The following ATF7 variants were observed in gnomAD, a reference collection of about 807,000 sequenced individuals.
ATF7 encodes activating transcription factor 7, also known as cyclic AMP-dependent transcription factor ATF-7.
Under a neutral mutation model 50.4 loss-of-function variants are expected in ATF7, and 10 were observed. The observed-to-expected ratio is 0.20, with a 90% CI of 0.12 to 0.34. The LOEUF (loss-of-function observed/expected upper bound fraction) is 0.34, where lower values mean the gene tolerates loss of function less well. ATF7 is among the 10% of genes least tolerant of loss of function. ATF7 has a pLI of 1.00. For synonymous variants in ATF7, 201 were observed against 226.4 expected (o/e 0.89, Z 1.01); for missense variants, 465 against 613.9 (o/e 0.76, Z 2.56).
chr12:53,517,066 G>C lies in ATF7; in HGVS notation c.*71C>G. The stretch of plus-strand genomic sequence containing the variant: ...GCCATGTCCAAGGCAGATGGGAGGG[G>C]ATAAGATGACATCTCTCTTGGCTCT... On this transcript the variant is annotated 3_prime_UTR_variant, in exon 12 of 12. Transcript: ENST00000420353. The C allele has an allele frequency of 6.6e-7, 1 of 1,521,568 alleles. No individual in the cohort carries two copies. The allele number at this position is 1,521,568 out of a possible 1,614,324, so 94.3% of individuals were successfully genotyped here.
At chr12:53,517,975 G>A (rs1592765691) in intron 11 of ATF7, among the ~76,000 whole-genome samples, 1 of 151,982 alleles carries the variant, frequency 6.6e-6, no homozygotes, top group Admixed American at 6.6e-5. Flanking sequence ...AGTGATTCTC[G>A]TGCCTCAGCC....
chr12:53,521,775 C>G (rs1039727102), intron 11 of ATF7, among the ~76,000 whole-genome samples: 2 of 152,072 alleles, frequency 1.3e-5, no homozygotes, highest in Non-Finnish European at 2.9e-5. Context: ...ATTTGGTTCC[C>G]TATTATATCC....
intron 11 of ATF7, 181 bp downstream of exon 11, chr12:53,523,095 C>A: frequency 1.8e-6 from 1 of 563,470 alleles, no homozygotes; most frequent in East Asian, 2.9e-5. Flanking sequence ...AGATAATTAG[C>A]TCTATATCGT....
intron 2 of ATF7, among the ~76,000 whole-genome samples, chr12:53,600,169 A>G (rs1943332220): frequency 6.6e-6 from 1 of 152,182 alleles, no homozygotes; most frequent in African/African-American, 2.4e-5. Flanking sequence ...AGCTGCTAAC[A>G]ATGATTTTCT....
Position 53,534,617 on chromosome 12 carries a change from T to C in ATF7, c.445A>G (p.Thr149Ala), listed in dbSNP as rs773980962. 1 of 1,613,024 alleles carries C rather than the reference T, an allele frequency of 6.2e-7. No homozygotes were observed. The highest frequency in any genetic ancestry group is 1.1e-5 in the South Asian group (1 of 90,952). ...GGCAGGGAGCCAGGACGTACAATGG[T>C]GGGTGTGGGGGTAGAGATCAGAACA... ...KPVLISTPTP[T>A]IVRPGSLPLH... Residue 149 changes from threonine to alanine, a missense_variant, in exon 6 of 12, where the codon ACC becomes GCC. By Grantham distance (58) the Thr-to-Ala change is moderately conservative. Coordinates refer to ENST00000420353, the MANE Select transcript of ATF7 (RefSeq NM_006856.3).
At chr12:53,534,941 A>G (rs998260819) in intron 5 of ATF7, among the ~76,000 whole-genome samples, 1 of 152,192 alleles carries the variant, frequency 6.6e-6, no homozygotes, top group Non-Finnish European at 1.5e-5. Context: ...GCACTGTAGT[A>G]CCATATAAAT....
intron 2 of ATF7, among the ~76,000 whole-genome samples, chr12:53,558,026 T>C (rs1393864367): frequency 1.3e-5 from 2 of 152,232 alleles, no homozygotes; most frequent in Non-Finnish European, 2.9e-5. Flanking sequence ...CGTTTGTGGT[T>C]TGCATTGTAT....
chr12:53,534,514 T>A lies in ATF7; in HGVS notation c.548A>T (p.Asn183Ile). The part of the protein sequence containing the change: ...TSVITQAPPS[N>I]RQMGSPTGSL... ...TCTCTGTACTTACCCCATTTGCCTG[T>A]TGGATGGTGGAGCCTGTGTGATGAC... Residue 183 changes from asparagine to isoleucine, a missense_variant, in exon 6 of 12, where the codon AAC becomes ATC. Asn to Ile is a moderately radical substitution (Grantham distance 149). Coordinates refer to ENST00000420353, the MANE Select transcript of ATF7 (RefSeq NM_006856.3). 1 of 1,613,794 alleles carries A rather than the reference T, an allele frequency of 6.2e-7. No homozygotes were observed.
chr12:53,541,030 CA>C (rs1939521721), intron 4 of ATF7, among the ~76,000 whole-genome samples: 1 of 152,146 alleles, frequency 6.6e-6, no homozygotes, highest in Admixed American at 6.5e-5. Context: ...AGGCCTCGCG[CA>C]GCCCTCTTTC....
At chr12:53,521,542 A>G (rs1409131348) in intron 11 of ATF7, among the ~76,000 whole-genome samples, 2 of 152,166 alleles carry the variant, frequency 1.3e-5, no homozygotes, top group African/African-American at 4.8e-5. Context: ...TTCCATATAA[A>G]TGCATATAGC....
Position 53,532,494 on chromosome 12 carries a change from A to G in ATF7, c.774+16T>C. On this transcript the variant is annotated intron_variant, in intron 8 of 11. Transcript: ENST00000420353. ...TTCAGAAAGGCCAACATTGCCCCAG[A>G]CTGGGATGTACTCACCATCTTGGCT... 6.4e-7 allele frequency: 1 copy of G among 1,550,836 alleles called. No individual in the cohort carries two copies. Among genetic ancestry groups the G allele is most frequent in the Non-Finnish European group, 8.8e-7 (1 of 1,136,956 alleles).
At chr12:53,588,490 A>G (rs991894962) in intron 2 of ATF7, among the ~76,000 whole-genome samples, 2 of 152,178 alleles carry the variant, frequency 1.3e-5, no homozygotes, top group Admixed American at 6.5e-5. Flanking sequence ...CCTTAGTCAT[A>G]TTTCCTCTTA....
intron 1 of ATF7, among the ~76,000 whole-genome samples, chr12:53,619,692 G>A (rs996613159): frequency 6.0e-5 from 9 of 150,698 alleles, no homozygotes; most frequent in Admixed American, 4.0e-4. Context: ...CACATCTGTA[G>A]TCCTAGCTAC....
chr12:53,542,999 C>T (rs1046915470), intron 4 of ATF7: 1 of 1,206,934 alleles, frequency 8.3e-7, no homozygotes, highest in South Asian at 2.7e-5. Context: ...TGTTATCCAA[C>T]AAAATCTGAG....
At chr12:53,597,701 C>T (rs1041629143) in intron 2 of ATF7, among the ~76,000 whole-genome samples, 20 of 150,306 alleles carry the variant, frequency 1.3e-4, no homozygotes, top group South Asian at 6.3e-4. Context: ...CCCAGCTACT[C>T]GGGAGGCTGA....
intron 2 of ATF7, among the ~76,000 whole-genome samples, chr12:53,578,367 C>A (rs1428635789): frequency 3.1e-3 from 339 of 107,638 alleles, no homozygotes; most frequent in African/African-American, 4.8e-3. Flanking sequence ...GATCTTCTCT[C>A]AAAAAAAAAA....
chr12:53,508,411 T>A (rs960799917), downstream of ATF7, among the ~76,000 whole-genome samples: 1 of 150,564 alleles, frequency 6.6e-6, no homozygotes, highest in Non-Finnish European at 1.5e-5. Flanking sequence ...AATACGAAAA[T>A]TAGCTGGGCG....
intron 2 of ATF7, among the ~76,000 whole-genome samples, chr12:53,557,593 A>C (rs1313454705): frequency 6.6e-6 from 1 of 152,206 alleles, no homozygotes; most frequent in Non-Finnish European, 1.5e-5. Context: ...CACTCAGGGA[A>C]CACACTTGCC....
chr12:53,508,897 T>C (rs1944075237), downstream of ATF7, among the ~76,000 whole-genome samples: 1 of 152,208 alleles, frequency 6.6e-6, no homozygotes, highest in Non-Finnish European at 1.5e-5. Flanking sequence ...TGGACTATCA[T>C]TCTGACCCCG....
Sources: gnomAD v4.1 joint callset for allele counts (sites outside exome capture counted in the v4.1 genomes callset) on GRCh38, gnomAD v4.1.1 for gene constraint, MANE v1.5 for transcripts, NCBI Gene and HGNC (gene_info 2026-07-23, HGNC 2026-07-21) for gene names.